The following NEB variants were observed in gnomAD, a reference collection of about 807,000 sequenced individuals.
The protein encoded by NEB is nebulin.
NEB carries 512 observed loss-of-function variants against 952.2 expected under a neutral mutation model. The ratio of observed to expected loss-of-function variants is 0.54; its 90% CI spans 0.50 to 0.58. The LOEUF (loss-of-function observed/expected upper bound fraction) is 0.58. Among genes scored for constraint, NEB ranks in the 20% least tolerant of loss-of-function variants. NEB has a pLI of 0.00. For missense variants in NEB, 8,428 were observed against 9,231.1 expected, an observed-to-expected ratio of 0.91 and a Z score of 3.56; for synonymous variants, 2,900 against 3,149.8, an observed-to-expected ratio of 0.92 and a Z score of 2.66.
At chr2:151,693,746 T>G (rs1458005226) in intron 20 of NEB, among the ~76,000 whole-genome samples, 3 of 152,212 alleles carry the variant, frequency 2.0e-5, no homozygotes, top group Non-Finnish European at 2.9e-5. Flanking sequence ...TAGAATGATT[T>G]ATATTCCTTT....
chr2:151,625,396 T>C (rs1022859620), intron 71 of NEB, 138 bp downstream of exon 71: 2 of 491,042 alleles, frequency 4.1e-6, no homozygotes, highest in South Asian at 5.0e-5. Flanking sequence ...ATAATATGTA[T>C]ATTCAAGGTA....
chr2:151,692,597 G>A (rs114798617), intron 20 of NEB: 123 of 550,968 alleles, frequency 2.2e-4, no homozygotes, highest in African/African-American at 2.2e-3. Context: ...TATTTTTTCA[G>A]ACTGAAAAAC....
chr2:151,702,462 G>A (rs1003414552), intron 13 of NEB, among the ~76,000 whole-genome samples: 10 of 152,096 alleles, frequency 6.6e-5, no homozygotes, highest in Non-Finnish European at 1.2e-4. Flanking sequence ...TGTTGACAGT[G>A]GGGTGTTAAA....
At chr2:151,676,548 A>T (rs2099361029) in intron 34 of NEB, among the ~76,000 whole-genome samples, 1 of 152,208 alleles carries the variant, frequency 6.6e-6, no homozygotes, top group Non-Finnish European at 1.5e-5. Context: ...TTAGCATACG[A>T]GTCCCTTACT....
intron 60 of NEB, among the ~76,000 whole-genome samples, chr2:151,640,899 A>G (rs544527677): frequency 6.6e-6 from 1 of 152,094 alleles, no homozygotes; most frequent in African/African-American, 2.4e-5. Flanking sequence ...ACATTCTTTA[A>G]TGTGAAAGTC....
rs933628391 is a variant in NEB, at chr2:151,613,757, T to A, written c.11601+519A>T. Among the ~76,000 whole-genome samples the A allele has an allele frequency of 2.8e-4, 43 of 152,164 alleles. 1 individual carries two copies. The highest frequency in any genetic ancestry group is 1.5e-4 in the Non-Finnish European group (10 of 68,016). ...CCAGGTGCTTAAAAGTGTGTAGCAC[T>A]TCCCCCTTTGCTCTCTCTCTCCTGC... On this transcript the variant is annotated intron_variant, in intron 77 of 181. Transcript: ENST00000397345.
At position 151,618,434 on chromosome 2, in the gene NEB, C is replaced by T; in HGVS notation, c.10917G>A (p.Trp3639Ter). 6.2e-7 allele frequency: 1 copy of T among 1,613,910 alleles called. No individual in the cohort carries two copies. Among genetic ancestry groups the T allele is most frequent in the Non-Finnish European group, 8.5e-7 (1 of 1,179,852 alleles). The change falls in exon 74 of 182, where the codon TGG becomes TGA. Residue 3639 changes from tryptophan to a stop codon, truncating the protein, a stop_gained. Transcript: ENST00000397345. LOFTEE classifies it high-confidence loss of function. ...SDLEWMKGIGWVPIDSLEVVR... is the reference protein window; with the variant it reads ...SDLEWMKGIG Reference sequence around the variant, plus strand: ...CAACTTCCAAGGAATCAATCGGAACCCAGCCAATGCCTTTCATCCATTCAA... The same window carrying T: ...CAACTTCCAAGGAATCAATCGGAACTCAGCCAATGCCTTTCATCCATTCAA...
At position 151,678,180 on chromosome 2, in the gene NEB, T is replaced by C; in HGVS notation, c.3263A>G (p.Tyr1088Cys). 1 of 1,594,616 alleles carries C rather than the reference T, an allele frequency of 6.3e-7. No homozygotes were observed. Among genetic ancestry groups the C allele is most frequent in the Non-Finnish European group, 8.6e-7 (1 of 1,169,214 alleles). ...TTTAGCCTTTTCATAGTCTTTTTTG[T>C]ACTGAACCTATTGTAAACAAAGGTG... ...AARQAASDVQ[Y>C]KKDYEKAKGK... Residue 1088 changes from tyrosine to cysteine, a missense_variant, in exon 33 of 182, where the codon TAC becomes TGC. Physicochemically the swap from Tyr to Cys is radical, Grantham distance 194. Transcript: ENST00000397345.
At chr2:151,650,972 T>C in intron 52 of NEB, 87 bp from the exon 53 acceptor site, 1 of 1,314,118 alleles carries the variant, frequency 7.6e-7, no homozygotes, top group Non-Finnish European at 1.0e-6. Flanking sequence ...TCTTTCTTTT[T>C]TTTGAGACAG....
At chr2:151,486,910 C>G (rs1417175148) in intron 181 of NEB, among the ~76,000 whole-genome samples, 2 of 152,066 alleles carry the variant, frequency 1.3e-5, no homozygotes, top group Non-Finnish European at 2.9e-5. Context: ...TTTTAATTCA[C>G]CAGAAGAGTT....
At position 151,697,199 on chromosome 2, in the gene NEB, C is replaced by A. The variant is rs761722604; in HGVS notation, c.1419G>T (p.Gln473His). Reference sequence around the variant, plus strand: ...TTGCTTCATATTCTTGAGTTATGGTCTGAGGGAAGAAGCCTTTGCCTCTGT... The same window carrying A: ...TTGCTTCATATTCTTGAGTTATGGTATGAGGGAAGAAGCCTTTGCCTCTGT... ...EEDRGKGFFP[Q>H]TITQEYEAIK... Residue 473 changes from glutamine (Q) to histidine (H), a missense_variant, in exon 16 of 182, where the codon CAG becomes CAT. Transcript: ENST00000397345. 1 of 1,613,726 alleles carries A rather than the reference C, an allele frequency of 6.2e-7. No individual in the cohort carries two copies. The highest frequency in any genetic ancestry group is 8.5e-7 in the Non-Finnish European group (1 of 1,179,862).
intron 51 of NEB, 32 bp from the exon 52 acceptor site, chr2:151,654,131 C>T: frequency 1.4e-6 from 2 of 1,419,588 alleles, no homozygotes; most frequent in Non-Finnish European, 2.0e-6. Flanking sequence ...CAGCATTATT[C>T]TGTCTATATA....
rs1475733486 is a variant in NEB, at chr2:151,662,244, A to G, written c.5861T>C (p.Ile1954Thr). 6.2e-7 allele frequency: 1 copy of G among 1,613,604 alleles called. No individual in the cohort carries two copies. The highest frequency in any genetic ancestry group is 1.7e-5 in the Admixed American group (1 of 59,980). The change falls in exon 46 of 182, where the codon ATT becomes ACT. Residue 1954 changes from isoleucine (I) to threonine (T), a missense_variant. Coordinates refer to ENST00000397345, the MANE Select transcript of NEB (RefSeq NM_001164508.2). ...EAEKNKKAME[I>T]ISEKKYRQHP... ...CTGGCGGTACTTCTTTTCACTAATA[A>G]TCTCCATGGCTTTCTTGTTTTTCTC...
At chr2:151,511,479 A>C (rs2153232764) in intron 161 of NEB, among the ~76,000 whole-genome samples, 1 of 152,358 alleles carries the variant, frequency 6.6e-6, no homozygotes, top group East Asian at 1.9e-4. Context: ...AAAAACAAAC[A>C]AAAATAGATT....
chr2:151,576,369 A>T lies in NEB; in HGVS notation c.16705-15T>A, dbSNP rs2096827515. Reference sequence around the variant, plus strand: ...TTGTAGAGGGCCTGAAAAAGAAAACACAGGTAGAAGCAGGGTTTGTGTTTT... The same window carrying T: ...TTGTAGAGGGCCTGAAAAAGAAAACTCAGGTAGAAGCAGGGTTTGTGTTTT... On this transcript the variant is annotated splice_polypyrimidine_tract_variant and intron_variant, in intron 105 of 181. Transcript: ENST00000397345. The T allele has an allele frequency of 6.3e-7, 1 of 1,576,472 alleles. No homozygotes were observed. The highest frequency in any genetic ancestry group is 8.6e-7 in the Non-Finnish European group (1 of 1,156,570).
At chr2:151,524,718 G>A in intron 151 of NEB, 102 bp from the exon 152 acceptor site, 4 of 904,062 alleles carry the variant, frequency 4.4e-6, no homozygotes, top group Non-Finnish European at 6.5e-6. Flanking sequence ...CCAGGCTTGA[G>A]TGCAGTGGTA....
intron 117 of NEB, among the ~76,000 whole-genome samples, chr2:151,564,216 G>A (rs748146504): frequency 5.3e-5 from 8 of 152,048 alleles, no homozygotes; most frequent in Non-Finnish European, 8.8e-5. Flanking sequence ...GTGCAGTGCC[G>A]TGATCTAAGC....
intron 166 of NEB, 97 bp from the exon 167 acceptor site, chr2:151,502,982 GT>G: frequency 1.4e-6 from 1 of 697,686 alleles, no homozygotes; most frequent in Non-Finnish European, 2.4e-6. Flanking sequence ...TGAGGAGGCA[GT>G]TTTTTAGTAA....
rs2096233529 is a variant in NEB, at chr2:151,563,792, CAAACTTAGGAGAGGA to C, written c.18579+16_18579+30del. On this transcript the variant is annotated intron_variant, in intron 118 of 181. Transcript: ENST00000397345. ...CCCCTTGATCCCCAGTAAAGACTCTCAAACTTAGGAGAGGAAAAGGTCATACTGACCTCACTGTTC... is the reference window on the plus strand; with the variant it reads ...CCCCTTGATCCCCAGTAAAGACTCTCAAAGGTCATACTGACCTCACTGTTC... 1 of 1,611,486 alleles carries C rather than the reference CAAACTTAGGAGAGGA, an allele frequency of 6.2e-7. No individual in the cohort carries two copies.
Sources: allele counts gnomAD v4.1 joint callset (sites outside exome capture counted in the v4.1 genomes callset), GRCh38; gene constraint gnomAD v4.1.1; transcripts MANE v1.5; gene names NCBI Gene and HGNC (gene_info 2026-07-23, HGNC 2026-07-21).